CSMD1: variants seen among roughly 807,000 people sequenced by gnomAD.
The protein encoded by CSMD1 is CUB and Sushi multiple domains 1.
Under a neutral mutation model 417.5 loss-of-function variants are expected in CSMD1, and 213 were observed. That is an observed-to-expected ratio of 0.51 (90% confidence interval 0.46 to 0.57). The LOEUF is 0.57. CSMD1 is among the 20% of genes least tolerant of loss of function. The pLI is 0.00. For synonymous variants in CSMD1, 2,862 were observed against 1,736.8 expected, an observed-to-expected ratio of 1.65 and a Z score of -16.11; for missense variants, 6,923 against 4,529.7, an observed-to-expected ratio of 1.53 and a Z score of -15.17.
At chr8:4,760,875 A>G (rs1324507511) in intron 1 of CSMD1, among the ~76,000 whole-genome samples, 1 of 152,218 alleles carries the variant, frequency 6.6e-6, no homozygotes, top group Non-Finnish European at 1.5e-5. Flanking sequence ...AACTCATGTC[A>G]TGACCTTTTA....
At chr8:3,448,700 A>T (rs957756736) in intron 12 of CSMD1, among the ~76,000 whole-genome samples, 1 of 152,152 alleles carries the variant, frequency 6.6e-6, no homozygotes, top group Non-Finnish European at 1.5e-5. Context: ...GAACTGCAGC[A>T]TCGAGAGTCC....
At chr8:3,045,245 G>C (rs1461595958) in intron 50 of CSMD1, among the ~76,000 whole-genome samples, 2 of 152,162 alleles carry the variant, frequency 1.3e-5, no homozygotes, top group Non-Finnish European at 2.9e-5. Flanking sequence ...TATCAAAAGA[G>C]TACTCACGAT....
chr8:4,793,063 C>G (rs1270203085), intron 1 of CSMD1, among the ~76,000 whole-genome samples: 3 of 151,722 alleles, frequency 2.0e-5, no homozygotes, highest in Non-Finnish European at 4.4e-5. Flanking sequence ...TTCAAACATC[C>G]AAGTGGAAAA....
At chr8:4,139,328 T>C (rs1442168617) in intron 3 of CSMD1, among the ~76,000 whole-genome samples, 3 of 152,216 alleles carry the variant, frequency 2.0e-5, no homozygotes, top group African/African-American at 7.2e-5. Context: ...GAAAATTTAT[T>C]ACAAACGTAA....
chr8:3,020,917 A>G (rs888157478), intron 51 of CSMD1, among the ~76,000 whole-genome samples: 1 of 152,232 alleles, frequency 6.6e-6, no homozygotes, highest in Admixed American at 6.5e-5. Context: ...CCAAATGTTA[A>G]TGAACTCGAG....
intron 40 of CSMD1, among the ~76,000 whole-genome samples, chr8:3,144,931 C>G (rs189569294): frequency 1.3e-5 from 2 of 152,142 alleles, no homozygotes; most frequent in South Asian, 2.1e-4. Flanking sequence ...AGTGGCACAT[C>G]CAGATCTGCT....
At chr8:4,910,867 C>G (rs917829715) in intron 1 of CSMD1, among the ~76,000 whole-genome samples, 1 of 152,144 alleles carries the variant, frequency 6.6e-6, no homozygotes, top group African/African-American at 2.4e-5. Flanking sequence ...ACCCAAATCT[C>G]ATCTTGAATT....
At chr8:4,149,594 G>A (rs141753113) in intron 3 of CSMD1, among the ~76,000 whole-genome samples, 5 of 152,140 alleles carry the variant, frequency 3.3e-5, no homozygotes, top group South Asian at 2.1e-4. Context: ...TATGCTAAAA[G>A]GGAAATAAAC....
intron 57 of CSMD1, among the ~76,000 whole-genome samples, chr8:2,970,903 A>T (rs112579787): frequency 1.8e-3 from 279 of 152,350 alleles, no homozygotes; most frequent in African/African-American, 6.5e-3. Context: ...AGGATTAAAC[A>T]AACTTCACAA....
intron 2 of CSMD1, among the ~76,000 whole-genome samples, chr8:4,502,270 C>T (rs189391152): frequency 2.6e-5 from 4 of 152,008 alleles, no homozygotes; most frequent in African/African-American, 7.2e-5. Flanking sequence ...TTCTTGCACT[C>T]GCATATCATT....
At chr8:3,667,863 T>C (rs17325907) in intron 7 of CSMD1, among the ~76,000 whole-genome samples, 22,353 of 152,070 alleles carry the variant, frequency 0.15, 1,978 homozygotes, top group South Asian at 0.22. Context: ...AATCGTGAAA[T>C]AGCAGTGAGT....
chr8:4,409,185 A>G (rs1016440234), intron 3 of CSMD1, among the ~76,000 whole-genome samples: 1 of 152,202 alleles, frequency 6.6e-6, no homozygotes, highest in Non-Finnish European at 1.5e-5. Context: ...AGATTTTTAA[A>G]AAATTATCTA....
At chr8:3,432,553 A>T (rs955892582) in intron 12 of CSMD1, among the ~76,000 whole-genome samples, 1 of 124,412 alleles carries the variant, frequency 8.0e-6, no homozygotes, top group African/African-American at 3.1e-5. Flanking sequence ...CTTTGTCACC[A>T]GGCTGGAGTG....
chr8:4,230,300 C>G (rs1468496936), intron 3 of CSMD1, among the ~76,000 whole-genome samples: 1 of 152,022 alleles, frequency 6.6e-6, no homozygotes, highest in East Asian at 1.9e-4. Flanking sequence ...ACATTTAATC[C>G]TCAATTAATC....
chr8:3,843,325 G>A (rs951562185), intron 5 of CSMD1, among the ~76,000 whole-genome samples: 3 of 151,998 alleles, frequency 2.0e-5, no homozygotes, highest in Non-Finnish European at 2.9e-5. Flanking sequence ...CTCATTGAAC[G>A]AAATCGTTTG....
intron 5 of CSMD1, among the ~76,000 whole-genome samples, chr8:3,957,862 T>C (rs1008882135): frequency 2.6e-5 from 4 of 152,190 alleles, no homozygotes; most frequent in Non-Finnish European, 5.9e-5. Flanking sequence ...AAGAGGCACA[T>C]TTGGAGCCGA....
At chr8:3,799,422 G>A (rs1800340962) in intron 5 of CSMD1, among the ~76,000 whole-genome samples, 1 of 116,198 alleles carries the variant, frequency 8.6e-6, no homozygotes, top group Non-Finnish European at 1.6e-5. Context: ...ACAGGCCTTA[G>A]TGTGTGATGT....
chr8:3,982,531 AATTATGTGCACTAGG>A (rs1319282948), intron 5 of CSMD1, among the ~76,000 whole-genome samples: 2 of 152,154 alleles, frequency 1.3e-5, no homozygotes, highest in Non-Finnish European at 1.5e-5. Context: ...TACCATTTAG[AATTATGTGCACTAGG>A]ATTATGTGCA....
chr8:3,959,155 T>G (rs1239031014), intron 5 of CSMD1, among the ~76,000 whole-genome samples: 1 of 152,190 alleles, frequency 6.6e-6, no homozygotes, highest in Non-Finnish European at 1.5e-5. Context: ...AAGCATAATT[T>G]GAGTATAAGA....
Sources: allele counts gnomAD v4.1 joint callset (sites outside exome capture counted in the v4.1 genomes callset), GRCh38; gene constraint gnomAD v4.1.1; transcripts MANE v1.5; gene names NCBI Gene and HGNC (gene_info 2026-07-23, HGNC 2026-07-21).